Variants in OLFML2B observed in about 807,000 individuals in gnomAD.
OLFML2B encodes olfactomedin like 2B, also known as olfactomedin-like protein 2B.
A neutral mutation model predicts 74.9 loss-of-function variants in OLFML2B; 57 were observed. That is an observed-to-expected ratio of 0.76 (90% CI 0.61 to 0.95). OLFML2B has a LOEUF of 0.95. Ranked by LOEUF, OLFML2B falls within the 40% of genes least tolerant of loss-of-function variation. OLFML2B has a pLI of 0.00. For missense variants in OLFML2B, 986 were observed against 970.6 expected (o/e 1.02, Z -0.21); for synonymous variants, 388 against 405.8 (o/e 0.96, Z 0.53).
rs747590965 is a variant in OLFML2B, at chr1:162,020,139, G to C, written c.218C>G (p.Ser73Trp). 3 of 1,614,186 alleles carry C rather than the reference G, an allele frequency of 1.9e-6. No homozygotes were observed. Among genetic ancestry groups the C allele is most frequent in the Non-Finnish European group, 2.5e-6 (3 of 1,180,022 alleles). Residue 73 changes from serine (S) to tryptophan (W), a missense_variant, in exon 2 of 8, where the codon TCG becomes TGG. Transcript: ENST00000294794. ...CACCACACACTTGCACTGACAGTCC[G>C]AGCCCTCAGACATAGCCTTGACCTT... ...YDKVKAMSEGSDCQCKCVVRP... is the reference protein window; with the variant it reads ...YDKVKAMSEGWDCQCKCVVRP...
chr1:161,984,215 G>GTA lies in OLFML2B; in HGVS notation c.1711_1712dup (p.Asn572ThrfsTer20), dbSNP rs1294040571. ...CGCGATTGTAGTAGAAGGCGCCATTGTATACCACGTGGCCTGTGCCGATCC... is the reference window on the plus strand; with the variant it reads ...CGCGATTGTAGTAGAAGGCGCCATTGTATATACCACGTGGCCTGTGCCGATCC... On this transcript the variant is annotated frameshift_variant, in exon 8 of 8. Coordinates refer to ENST00000294794, the MANE Select transcript of OLFML2B (RefSeq NM_015441.3). LOFTEE classifies it high-confidence loss of function. 5 of 1,571,284 alleles carry GTA rather than the reference G, an allele frequency of 3.2e-6. No homozygotes were observed. In the South Asian group the frequency reaches 6.1e-5, roughly 19 times the overall value.
intron 6 of OLFML2B, among the ~76,000 whole-genome samples, chr1:161,987,789 T>C (rs1329685544): frequency 1.3e-5 from 2 of 152,180 alleles, no homozygotes; most frequent in Non-Finnish European, 2.9e-5. Context: ...CGCTTGCATT[T>C]TCATAGTCCT....
At position 162,019,904 on chromosome 1, in the gene OLFML2B, C is replaced by T. The variant is rs1253617446; in HGVS notation, c.438+15G>A. ...TGCCCTCTCGTCCAAGGCATTGCCCCATACCAGGTCCTACCTTCAAGTCCT... is the reference window on the plus strand; with the variant it reads ...TGCCCTCTCGTCCAAGGCATTGCCCTATACCAGGTCCTACCTTCAAGTCCT... On this transcript the variant is annotated intron_variant, in intron 2 of 7. Coordinates refer to ENST00000294794, the MANE Select transcript of OLFML2B (RefSeq NM_015441.3). The T allele has an allele frequency of 1.2e-6, 2 of 1,613,394 alleles. No homozygotes were observed. Among genetic ancestry groups the T allele is most frequent in the Admixed American group, 3.3e-5 (2 of 59,992 alleles).
rs1015968845 is a variant in OLFML2B, at chr1:162,020,146, C to G, written c.211G>C (p.Glu71Gln). 4 of 1,614,082 alleles carry G rather than the reference C, an allele frequency of 2.5e-6. No homozygotes were observed. The African/African-American group carries it at 4.0e-5, about 16-fold the overall frequency. The change falls in exon 2 of 8, where the codon GAG becomes CAG. Residue 71 changes from glutamate to glutamine, a missense_variant. Physicochemically the swap from Glu to Gln is conservative, Grantham distance 29 (BLOSUM62 2). Transcript: ENST00000294794. ...CACTTGCACTGACAGTCCGAGCCCT[C>G]AGACATAGCCTTGACCTTGTCATAG... ...GDYDKVKAMS[E>Q]GSDCQCKCVV...
At chr1:162,019,668 G>A (rs902111164) in intron 2 of OLFML2B, among the ~76,000 whole-genome samples, 8 of 152,112 alleles carry the variant, frequency 5.3e-5, no homozygotes, top group Admixed American at 2.0e-4. Flanking sequence ...GGGCCTGGCA[G>A]CTGCTCCCAG....
intron 5 of OLFML2B, 82 bp from the exon 6 acceptor site, chr1:161,998,431 G>T: frequency 6.9e-7 from 1 of 1,450,300 alleles, no homozygotes; most frequent in Non-Finnish European, 9.3e-7. Context: ...ATGAGCAGGT[G>T]AATTAGAGGG....
intron 3 of OLFML2B, among the ~76,000 whole-genome samples, chr1:162,009,291 C>T (rs528870928): frequency 1.7e-4 from 26 of 152,342 alleles, no homozygotes; most frequent in East Asian, 5.8e-4. Flanking sequence ...TCCACACCTG[C>T]GGCCCAGCTC....
intron 2 of OLFML2B, 78 bp from the exon 3 acceptor site, chr1:162,017,585 C>A (rs1690579115): frequency 1.9e-6 from 2 of 1,041,946 alleles, no homozygotes; most frequent in Admixed American, 2.5e-5. Flanking sequence ...GATCTGCATA[C>A]TGGGGGCTCG....
intron 1 of OLFML2B, 24 bp downstream of exon 1, chr1:162,023,233 C>G: frequency 6.8e-7 from 1 of 1,472,676 alleles, no homozygotes. Flanking sequence ...GCAAGAAGGG[C>G]GGTCGTGGCA....
chr1:161,990,991 C>T (rs550984475), intron 6 of OLFML2B, among the ~76,000 whole-genome samples: 1 of 152,184 alleles, frequency 6.6e-6, no homozygotes, highest in African/African-American at 2.4e-5. Context: ...GTTTGATCAT[C>T]AGATTGCAGC....
chr1:161,993,632 C>T (rs1689807062), intron 6 of OLFML2B, among the ~76,000 whole-genome samples: 1 of 152,210 alleles, frequency 6.6e-6, no homozygotes. Flanking sequence ...CGGCTCCCTA[C>T]CCTGGAATTC....
intron 4 of OLFML2B, 108 bp downstream of exon 4, chr1:162,006,189 T>C: frequency 9.6e-7 from 1 of 1,039,244 alleles, no homozygotes; most frequent in Non-Finnish European, 1.4e-6. Flanking sequence ...TGAAGCGAGC[T>C]CATCTCTGTG....
rs1360913972 is a variant in OLFML2B at position 162,001,799 on chromosome 1, G to T, written c.724-1461C>A. ...TCATCTTTGATTCCCCTGGATTGAG[G>T]CTCCCTAATATTTGTTAAATTGAAT... On this transcript the variant is annotated intron_variant, in intron 4 of 7. Transcript: ENST00000294794. Among the ~76,000 whole-genome samples the T allele has an allele frequency of 3.4e-5, 5 of 149,112 alleles. No individual in the cohort carries two copies. In the South Asian group the frequency reaches 8.4e-4, roughly 25 times the overall value.
chr1:162,010,855 A>C (rs1690360089), intron 3 of OLFML2B, among the ~76,000 whole-genome samples: 1 of 152,146 alleles, frequency 6.6e-6, no homozygotes, highest in Non-Finnish European at 1.5e-5. Context: ...GGCCCCAGGC[A>C]GGAAAAGAAG....
rs147864159 is a variant in OLFML2B, at chr1:161,998,632, G to A, written c.950-283C>T. 4.4e-3 allele frequency among the ~76,000 whole-genome samples: 503 copies of A among 113,044 alleles called. 4 individuals are homozygous for A. Among genetic ancestry groups the A allele is most frequent in the African/African-American group, 0.012 (483 of 40,666 alleles). The allele number at this position is 113,044 out of a possible 152,430, so 74.2% of individuals were successfully genotyped here. On this transcript the variant is annotated intron_variant, in intron 5 of 7. Transcript: ENST00000294794. ...ATAGTCATGGGTCCTGAACCCCGAT[G>A]GCTGGGAGTAAGTGAGTCATCCAAT... is the stretch of plus-strand genomic sequence containing the variant.
Position 162,000,117 on chromosome 1 carries a change from C to G in OLFML2B, c.945G>C (p.Glu315Asp). ...KVSEEENDIE[E>D]QQDEFFSGDN... is the part of the protein sequence containing the mutation. ...GCCCTGTTGACCCCAACTCACGCTGCTCTTCAATGTCATTCTCTTCTTCAG... is the reference window on the plus strand; with the variant it reads ...GCCCTGTTGACCCCAACTCACGCTGGTCTTCAATGTCATTCTCTTCTTCAG... The change falls in exon 5 of 8, where the codon GAG becomes GAC. Residue 315 changes from glutamate to aspartate, a missense_variant. By Grantham distance (45) the Glu-to-Asp change is conservative (BLOSUM62 2). Transcript: ENST00000294794. 6.3e-7 allele frequency: 1 copy of G among 1,589,130 alleles called. No individual in the cohort carries two copies. Among genetic ancestry groups the G allele is most frequent in the Non-Finnish European group, 8.6e-7 (1 of 1,162,880 alleles).
chr1:162,021,991 G>A (rs548455174), intron 1 of OLFML2B, among the ~76,000 whole-genome samples: 2 of 152,088 alleles, frequency 1.3e-5, no homozygotes, highest in African/African-American at 4.8e-5. Flanking sequence ...ATCCCAAAGT[G>A]CAGCTGATTA....
At chr1:162,000,449 A>G in intron 4 of OLFML2B, 111 bp from the exon 5 acceptor site, 1 of 753,592 alleles carries the variant, frequency 1.3e-6, no homozygotes, top group South Asian at 1.6e-5. Context: ...AGCACTTCCG[A>G]AGAGCCAGGC....
At chr1:162,004,430 T>C (rs1330082331) in intron 4 of OLFML2B, among the ~76,000 whole-genome samples, 1 of 152,230 alleles carries the variant, frequency 6.6e-6, no homozygotes, top group African/African-American at 2.4e-5. Context: ...GTAGTCATCA[T>C]GGGCAAAGCC....
Sources: allele counts gnomAD v4.1 joint callset (sites outside exome capture counted in the v4.1 genomes callset), GRCh38; gene constraint gnomAD v4.1.1; transcripts MANE v1.5; gene names NCBI Gene and HGNC (gene_info 2026-07-23, HGNC 2026-07-21).